WFDC11: variants seen among roughly 807,000 people sequenced by gnomAD.
WFDC11 encodes protein WFDC11.
WFDC11 carries 9 observed loss-of-function variants against 9.9 expected under a neutral mutation model. The ratio of observed to expected loss-of-function variants is 0.91; its 90% CI spans 0.55 to 1.58. WFDC11 has a LOEUF of 1.58. Among genes scored for constraint, WFDC11 ranks in the 40% most tolerant of loss-of-function variants. The probability of loss-of-function intolerance (pLI) is 0.00; values close to 1 mark genes in which losing one functional copy is unlikely to be tolerated. For missense variants in WFDC11, 106 were observed against 101.7 expected (o/e 1.04, Z -0.18); for synonymous variants, 32 against 33.3 (o/e 0.96, Z 0.13).
chr20:45,653,568 T>A (rs1029295191), intron 2 of WFDC11, among the ~76,000 whole-genome samples: 7 of 151,222 alleles, frequency 4.6e-5, no homozygotes, highest in African/African-American at 1.5e-4. Flanking sequence ...AGGATCAAAT[T>A]CACACATAAC....
chr20:45,654,276 C>T (rs1444749658), intron 2 of WFDC11, among the ~76,000 whole-genome samples: 2 of 152,344 alleles, frequency 1.3e-5, no homozygotes, highest in East Asian at 1.9e-4. Flanking sequence ...GATTAAGAAA[C>T]TCACTCAAAA....
rs536278203 is a variant in WFDC11, at chr20:45,666,221, C to T, written c.-52+867G>A. On this transcript the variant is annotated intron_variant, in intron 2 of 4. Transcript: ENST00000324384. ...AGCAAGGCTCCGTGGGTGTGGGACC[C>T]GCCAAGCCAGGCCCGGGAGAGAATC... Among the ~76,000 whole-genome samples the T allele has an allele frequency of 2.2e-4, 33 of 152,352 alleles. No individual in the cohort carries two copies. The East Asian group carries it at 2.9e-3, about 13-fold the overall frequency.
intron 4 of WFDC11, 91 bp from the exon 5 acceptor site, chr20:45,648,830 A>C: frequency 1.5e-6 from 2 of 1,305,550 alleles, no homozygotes; most frequent in South Asian, 1.2e-5. Flanking sequence ...CATGTTCACC[A>C]GACAATGGGA....
chr20:45,669,163 A>C (rs1032741459), intron 1 of WFDC11, among the ~76,000 whole-genome samples: 2 of 152,156 alleles, frequency 1.3e-5, no homozygotes, highest in Admixed American at 1.3e-4. Context: ...ATCCGATGTA[A>C]ACTTAAAACC....
intron 2 of WFDC11, among the ~76,000 whole-genome samples, chr20:45,652,030 G>T (rs1982819159): frequency 6.6e-6 from 1 of 152,234 alleles, no homozygotes; most frequent in Non-Finnish European, 1.5e-5. Flanking sequence ...CAAACAAAAG[G>T]CAGCAGAATC....
intron 2 of WFDC11, among the ~76,000 whole-genome samples, chr20:45,653,534 A>G (rs916081015): frequency 6.6e-6 from 1 of 152,156 alleles, no homozygotes; most frequent in Non-Finnish European, 1.5e-5. Context: ...TAACAAGCAA[A>G]ATAACAGCTA....
At chr20:45,668,743 C>G (rs1260768121) in intron 1 of WFDC11, among the ~76,000 whole-genome samples, 2 of 151,968 alleles carry the variant, frequency 1.3e-5, no homozygotes, top group Non-Finnish European at 2.9e-5. Flanking sequence ...TAAATATTTT[C>G]CTGTACTCCT....
intron 2 of WFDC11, among the ~76,000 whole-genome samples, chr20:45,655,886 G>A (rs989946617): frequency 2.6e-5 from 4 of 151,780 alleles, no homozygotes; most frequent in Non-Finnish European, 5.9e-5. Flanking sequence ...TGGACATGAA[G>A]GACCTCTTCA....
chr20:45,648,928 C>T (rs905715400), intron 4 of WFDC11, among the ~76,000 whole-genome samples, 189 bp from the exon 5 acceptor site: 1 of 152,166 alleles, frequency 6.6e-6, no homozygotes, highest in Non-Finnish European at 1.5e-5. Flanking sequence ...TTGGGCCTGG[C>T]TGAGCCAAAT....
At chr20:45,650,742 T>TC in intron 2 of WFDC11, 91 bp from the exon 3 acceptor site, 1 of 709,244 alleles carries the variant, frequency 1.4e-6, no homozygotes. Flanking sequence ...TTCTCACTAT[T>TC]CCCCCTAGGC....
chr20:45,658,098 A>G (rs1982975617), intron 2 of WFDC11, among the ~76,000 whole-genome samples: 4 of 152,198 alleles, frequency 2.6e-5, no homozygotes, highest in African/African-American at 7.2e-5. Context: ...AATGTATACA[A>G]CTACAATGAG....
chr20:45,658,804 G>A (rs1490601533), intron 2 of WFDC11, among the ~76,000 whole-genome samples: 1 of 152,030 alleles, frequency 6.6e-6, no homozygotes, highest in African/African-American at 2.4e-5. Flanking sequence ...CACGTGCCAT[G>A]GTGATTTGCT....
intron 2 of WFDC11, among the ~76,000 whole-genome samples, chr20:45,653,376 G>A (rs1409622254): frequency 3.3e-5 from 5 of 152,048 alleles, no homozygotes; most frequent in African/African-American, 1.2e-4. Flanking sequence ...ACAAGCAAAT[G>A]CTGAGAGATT....
chr20:45,664,522 T>G (rs1983145804), intron 2 of WFDC11, among the ~76,000 whole-genome samples: 1 of 152,260 alleles, frequency 6.6e-6, no homozygotes, highest in Non-Finnish European at 1.5e-5. Flanking sequence ...CTTCATGGTC[T>G]GTACAATTTG....
chr20:45,648,890 AGGTATTGG>A, intron 4 of WFDC11, 151 bp from the exon 5 acceptor site: 1 of 885,946 alleles, frequency 1.1e-6, no homozygotes, highest in Admixed American at 2.4e-5. Context: ...TGAGTAGGTG[AGGTATTGG>A]ACAAAAAAAG....
chr20:45,658,193 C>T (rs2145619657), intron 2 of WFDC11, among the ~76,000 whole-genome samples: 1 of 151,900 alleles, frequency 6.6e-6, no homozygotes, highest in East Asian at 1.9e-4. Flanking sequence ...TTCCACTGGC[C>T]TTTTTACTTA....
chr20:45,654,181 G>A (rs1342953111), intron 2 of WFDC11, among the ~76,000 whole-genome samples: 1 of 152,206 alleles, frequency 6.6e-6, no homozygotes, highest in African/African-American at 2.4e-5. Flanking sequence ...ATAGTTGGAA[G>A]TAAAGCACTC....
intron 2 of WFDC11, among the ~76,000 whole-genome samples, chr20:45,661,236 T>A (rs1179721000): frequency 6.6e-6 from 1 of 152,218 alleles, no homozygotes; most frequent in Non-Finnish European, 1.5e-5. Flanking sequence ...TGTCTGTTCA[T>A]GTCCTTCACC....
At chr20:45,668,394 C>T (rs890047863) in intron 1 of WFDC11, among the ~76,000 whole-genome samples, 11 of 151,996 alleles carry the variant, frequency 7.2e-5, no homozygotes, top group African/African-American at 2.7e-4. Context: ...GTTCTATTTC[C>T]TTGCCTCTTC....
Sources: allele counts gnomAD v4.1 joint callset (sites outside exome capture counted in the v4.1 genomes callset), GRCh38; gene constraint gnomAD v4.1.1; transcripts MANE v1.5; gene names NCBI Gene and HGNC (gene_info 2026-07-23, HGNC 2026-07-21).